The following AP1AR variants were observed in gnomAD, a reference collection of about 807,000 sequenced individuals.
AP1AR encodes adaptor related protein complex 1 associated regulatory protein, also known as AP-1 complex-associated regulatory protein.
A neutral mutation model predicts 46.3 loss-of-function variants in AP1AR; 29 were observed. The observed-to-expected ratio is 0.63, with a 90% CI of 0.47 to 0.85. AP1AR has a LOEUF of 0.85. Ranked by LOEUF, AP1AR falls within the 40% of genes least tolerant of loss-of-function variation. The pLI, the probability that AP1AR is intolerant of heterozygous loss-of-function variation, is 0.00. For synonymous variants in AP1AR, 122 were observed against 122.9 expected (o/e 0.99, Z 0.05); for missense variants, 357 against 356.3 (o/e 1.00, Z -0.02).
Position 112,268,353 on chromosome 4 carries a change from T to C in AP1AR, c.853T>C (p.Leu285=). ...SEYSGFVNPV[L]ELSDSGIRHS... The stretch of plus-strand genomic sequence containing the variant: ...GTATTCTGGATTTGTAAATCCTGTA[T>C]TAGAACTGTCTGATTCTGGCATAAG... The change falls in exon 10 of 10, where the codon TTA becomes CTA. Residue 285 remains leucine, a synonymous_variant. Transcript: ENST00000274000. The C allele has an allele frequency of 6.2e-7, 1 of 1,612,368 alleles. No homozygotes were observed. Among genetic ancestry groups the C allele is most frequent in the Non-Finnish European group, 8.5e-7 (1 of 1,178,958 alleles).
chr4:112,254,687 TTG>T (rs1726104469), intron 2 of AP1AR, 58 bp from the exon 3 acceptor site: 1 of 1,072,518 alleles, frequency 9.3e-7, no homozygotes, highest in East Asian at 2.6e-5. Flanking sequence ...ACATAATTTC[TTG>T]TGAGATGTAT....
In AP1AR at chr4:112,262,980, A is replaced by G. The variant is rs1353008730; in HGVS notation, c.283-8A>G. The G allele has an allele frequency of 3.1e-6, 5 of 1,602,926 alleles. No homozygotes were observed. The highest frequency in any genetic ancestry group is 8.5e-7 in the Non-Finnish European group (1 of 1,170,178). ...TTTGTTAATCCTTATCGTTTTGTTC[A>G]TGTACAGTTAGCCTTACAAGAAGAG... On this transcript the variant is annotated splice_polypyrimidine_tract_variant and splice_region_variant and intron_variant, in intron 5 of 9. Transcript: ENST00000274000.
chr4:112,243,002 C>T (rs74951968), intron 1 of AP1AR, among the ~76,000 whole-genome samples: 5,084 of 152,246 alleles, frequency 0.033, 108 homozygotes, highest in Non-Finnish European at 0.05. Flanking sequence ...TCTTTCAGCT[C>T]CTCAACTTTC....
intron 1 of AP1AR, among the ~76,000 whole-genome samples, chr4:112,249,513 C>T (rs1458868234): frequency 4.7e-5 from 7 of 149,696 alleles, no homozygotes; most frequent in African/African-American, 9.9e-5. Context: ...AAAAATTAGC[C>T]GGGTGTGGTG....
intron 1 of AP1AR, among the ~76,000 whole-genome samples, chr4:112,236,415 C>CTTT: frequency 1.3e-5 from 1 of 78,510 alleles, no homozygotes; most frequent in African/African-American, 6.9e-5. Context: ...TTTTTTTTTC[C>CTTT]CCCAAAAAGG....
intron 4 of AP1AR, among the ~76,000 whole-genome samples, chr4:112,258,725 G>A (rs1040191370): frequency 1.9e-4 from 29 of 152,282 alleles, no homozygotes; most frequent in East Asian, 1.3e-3. Context: ...GAAGTGTTAT[G>A]TATCTTGCTT....
At chr4:112,246,286 G>A (rs994130533) in intron 1 of AP1AR, among the ~76,000 whole-genome samples, 1 of 152,134 alleles carries the variant, frequency 6.6e-6, no homozygotes, top group Admixed American at 6.5e-5. Flanking sequence ...CAGGCAGATT[G>A]CTTGAGGCCA....
At position 112,237,383 on chromosome 4, in the gene AP1AR, G is replaced by A. The variant is rs147193495; in HGVS notation, c.83+5209G>A. ...GGCCTCCTAAAGTGATGGGATTACA[G>A]GCGTGAGCCACTGCGCCTGGCCAAA... On this transcript the variant is annotated intron_variant, in intron 1 of 9. Transcript: ENST00000274000. 6.7e-3 allele frequency among the ~76,000 whole-genome samples: 1,026 copies of A among 152,300 alleles called. 8 individuals carry two copies. The highest frequency in any genetic ancestry group is 0.023 in the African/African-American group (963 of 41,546).
intron 1 of AP1AR, among the ~76,000 whole-genome samples, chr4:112,240,156 G>T (rs1725425040): frequency 6.6e-6 from 1 of 152,114 alleles, no homozygotes; most frequent in Admixed American, 6.5e-5. Context: ...AGCTTTCAAG[G>T]CTCTGTGTTT....
In AP1AR at chr4:112,232,113, C is replaced by A; in HGVS notation, c.22C>A (p.Gln8Lys). 7.5e-7 allele frequency: 1 copy of A among 1,333,354 alleles called. No individual in the cohort carries two copies. The highest frequency in any genetic ancestry group is 9.7e-7 in the Non-Finnish European group (1 of 1,034,388). The allele number at this position is 1,333,354 out of a possible 1,614,324, so 82.6% of individuals were successfully genotyped here. MGNCCWT[Q>K]CFGLLRKEAG... ...TGCGATGGGGAACTGCTGCTGGACGCAGTGCTTCGGACTGCTTCGCAAGGA... is the reference window on the plus strand; with the variant it reads ...TGCGATGGGGAACTGCTGCTGGACGAAGTGCTTCGGACTGCTTCGCAAGGA... Residue 8 changes from glutamine (Q) to lysine (K), a missense_variant, in exon 1 of 10, where the codon CAG becomes AAG. Physicochemically the swap from Gln to Lys is moderately conservative, Grantham distance 53. Around this residue, in one of 2 missense-constraint regions of AP1AR, gnomAD observed 269 missense variants for 223.6 expected, o/e 1.20. Coordinates refer to ENST00000274000, the MANE Select transcript of AP1AR (RefSeq NM_018569.6).
chr4:112,251,920 A>G (rs1457056892), intron 1 of AP1AR, among the ~76,000 whole-genome samples: 1 of 152,120 alleles, frequency 6.6e-6, no homozygotes, highest in Non-Finnish European at 1.5e-5. Flanking sequence ...TTTCATTGCT[A>G]TTTTTTTCCT....
At position 112,272,964 on chromosome 4, in the gene AP1AR, G is replaced by T. The variant is rs540673072; in HGVS notation, c.*4555G>T. On this transcript the variant is annotated 3_prime_UTR_variant, in exon 10 of 10. Coordinates refer to ENST00000274000, the MANE Select transcript of AP1AR (RefSeq NM_018569.6). ...CTAAAAAAGATTTTATGTTAAATAT[G>T]TAGTGTTTTCCCATCTTCATTTATT... 6.6e-6 allele frequency: 1 copy of T among 151,882 alleles called. No individual in the cohort carries two copies. Among genetic ancestry groups the T allele is most frequent in the Admixed American group, 6.6e-5 (1 of 15,228 alleles). 9.4% of individuals were successfully genotyped at this position (151,882 alleles called of 1,614,324 possible).
intron 1 of AP1AR, among the ~76,000 whole-genome samples, chr4:112,238,365 C>T (rs1725342193): frequency 6.6e-6 from 1 of 152,296 alleles, no homozygotes; most frequent in African/African-American, 2.4e-5. Flanking sequence ...GATACTTAAA[C>T]ACATATCCTA....
intron 1 of AP1AR, among the ~76,000 whole-genome samples, chr4:112,248,689 C>G (rs1725823091): frequency 6.6e-6 from 1 of 152,134 alleles, no homozygotes; most frequent in South Asian, 2.1e-4. Context: ...AGACAAAAAT[C>G]TCTTCTGTGA....
chr4:112,250,069 G>A (rs780607544), intron 1 of AP1AR, among the ~76,000 whole-genome samples: 13 of 152,196 alleles, frequency 8.5e-5, no homozygotes, highest in Non-Finnish European at 1.8e-4. Context: ...AAATAAAAGT[G>A]TAAAACTTGA....
rs374151840 is a variant in AP1AR, at chr4:112,263,138, C to G, written c.381+52C>G. 66 of 1,417,552 alleles carry G rather than the reference C, an allele frequency of 4.7e-5. No homozygotes were observed. The African/African-American group carries it at 8.9e-4, about 19-fold the overall frequency. 87.8% of individuals were successfully genotyped at this position (1,417,552 alleles called of 1,614,324 possible). A position where few individuals can be genotyped will look rare whatever the true frequency, so the allele number is the denominator to read the frequency against. On this transcript the variant is annotated intron_variant, in intron 6 of 9. Coordinates refer to ENST00000274000, the MANE Select transcript of AP1AR (RefSeq NM_018569.6). ...TTAGGGTTGCTTTTCTCCTTATTTT[C>G]TCTGACAAATCTTAGTTGGGACTCT...
At chr4:112,250,384 C>T (rs376162883) in intron 1 of AP1AR, among the ~76,000 whole-genome samples, 7 of 152,148 alleles carry the variant, frequency 4.6e-5, no homozygotes, top group South Asian at 2.1e-4. Context: ...ACCATTAGGA[C>T]GTTGGCTTTC....
At chr4:112,253,047 T>C (rs1726027342) in intron 1 of AP1AR, among the ~76,000 whole-genome samples, 161 bp from the exon 2 acceptor site, 1 of 152,176 alleles carries the variant, frequency 6.6e-6, no homozygotes, top group African/African-American at 2.4e-5. Context: ...ATCTGGACTT[T>C]TTATAGTCTT....
intron 1 of AP1AR, 36 bp from the exon 2 acceptor site, chr4:112,253,172 T>C (rs755237915): frequency 2.0e-6 from 3 of 1,533,436 alleles, no homozygotes; most frequent in South Asian, 2.3e-5. Flanking sequence ...TTAGAGTTAA[T>C]TGTGTTTTTT....
Sources: gnomAD v4.1 joint callset for allele counts (sites outside exome capture counted in the v4.1 genomes callset) on GRCh38, gnomAD v4.1.1 for gene constraint, gnomAD v4.1.1 regional missense constraint, MANE v1.5 for transcripts, NCBI Gene and HGNC (gene_info 2026-07-23, HGNC 2026-07-21) for gene names.